The following TMEM248 variants were observed in gnomAD, a reference collection of about 807,000 sequenced individuals.
The protein encoded by TMEM248 is UPF0458 protein C7orf42.
Under a neutral mutation model 30.3 loss-of-function variants are expected in TMEM248, and 9 were observed. That is an observed-to-expected ratio of 0.30 (90% CI 0.18 to 0.52). The LOEUF (loss-of-function observed/expected upper bound fraction) is 0.52. Among genes scored for constraint, TMEM248 ranks in the 20% least tolerant of loss-of-function variants. The pLI is 0.97. For synonymous variants in TMEM248, 184 were observed against 154.4 expected (o/e 1.19, Z -1.42); for missense variants, 338 against 403.3 (o/e 0.84, Z 1.39).
chr7:66,930,581 C>G (rs1164377335), intron 1 of TMEM248: 1 of 152,278 alleles, frequency 6.6e-6, no homozygotes, highest in East Asian at 1.9e-4. Context: ...TCTCCTGTGT[C>G]TTCGTTGCTT....
intron 1 of TMEM248, among the ~76,000 whole-genome samples, chr7:66,927,535 G>T (rs1363470766): frequency 8.6e-5 from 13 of 151,456 alleles, no homozygotes; most frequent in Non-Finnish European, 2.9e-5. Context: ...TGAACTCTTG[G>T]ACTCAACTGA....
chr7:66,927,751 C>T (rs183601495), intron 1 of TMEM248, among the ~76,000 whole-genome samples: 47 of 152,006 alleles, frequency 3.1e-4, no homozygotes, highest in African/African-American at 1.0e-3. Flanking sequence ...AACACCATGC[C>T]CAGTCTCTCT....
intron 1 of TMEM248, among the ~76,000 whole-genome samples, chr7:66,926,616 A>G (rs1584394746): frequency 6.6e-6 from 1 of 151,420 alleles, no homozygotes; most frequent in Non-Finnish European, 1.5e-5. Flanking sequence ...AGCCTGGGTG[A>G]CAGAGCAAGA....
intron 1 of TMEM248, among the ~76,000 whole-genome samples, chr7:66,937,811 AG>A (rs1271294654): frequency 6.6e-6 from 1 of 152,102 alleles, no homozygotes. Flanking sequence ...CCCAGGTTCA[AG>A]TGATCCTCCT....
rs1186461412 is a variant in TMEM248, at chr7:66,942,038, T to A, written c.159+14T>A. 1.9e-6 allele frequency: 3 copies of A among 1,610,104 alleles called. No individual in the cohort carries two copies. Among genetic ancestry groups the A allele is most frequent in the Non-Finnish European group, 2.5e-6 (3 of 1,177,074 alleles). ...GAAATGGCAGAGGTATAGTATGCTC[T>A]GACTTCTCCCGGGCTGGCTGGTCCT... On this transcript the variant is annotated intron_variant, in intron 2 of 6. Coordinates refer to ENST00000341567, the MANE Select transcript of TMEM248 (RefSeq NM_017994.5).
intron 3 of TMEM248, among the ~76,000 whole-genome samples, chr7:66,946,085 CAAAA>C (rs34151581): frequency 9.6e-6 from 1 of 104,154 alleles, no homozygotes. Context: ...ACTCTCTCTC[CAAAA>C]AAAAAAAAAA....
chr7:66,930,570 T>A (rs1791637850), intron 1 of TMEM248: 1 of 152,244 alleles, frequency 6.6e-6, no homozygotes, highest in African/African-American at 2.4e-5. Flanking sequence ...GACCTTGAAG[T>A]TCTCCTGTGT....
chr7:66,929,065 G>A lies in TMEM248; in HGVS notation c.-19+7604G>A, dbSNP rs549238272. Among the ~76,000 whole-genome samples the A allele has an allele frequency of 1.4e-4, 21 of 152,242 alleles. 1 individual carries two copies. The highest frequency in any genetic ancestry group is 5.1e-4 in the African/African-American group (21 of 41,540). On this transcript the variant is annotated intron_variant, in intron 1 of 6. Coordinates refer to ENST00000341567, the MANE Select transcript of TMEM248 (RefSeq NM_017994.5). Reference sequence around the variant, plus strand: ...AGCCTCCCAGAGTGCTAGAATTATGGGCAGGAGCCATTGTGCCCTGCCAGA... The same window carrying A: ...AGCCTCCCAGAGTGCTAGAATTATGAGCAGGAGCCATTGTGCCCTGCCAGA...
At position 66,947,727 on chromosome 7, in the gene TMEM248, ATATTTTAATTTTT is replaced by A. The variant is rs1306853146; in HGVS notation, c.446-805_446-793del. Reference sequence around the variant, plus strand: ...ATTTTTTAATTTTAATTTTATTTTAATATTTTAATTTTTTATTTTAATTTAATTTTTATTTAAA... The same window carrying A: ...ATTTTTTAATTTTAATTTTATTTTAATATTTTAATTTAATTTTTATTTAAA... On this transcript the variant is annotated intron_variant, in intron 3 of 6. Transcript: ENST00000341567. 7.9e-5 allele frequency among the ~76,000 whole-genome samples: 12 copies of A among 151,570 alleles called. No homozygotes were observed. The East Asian group carries it at 1.9e-3, about 24-fold the overall frequency.
At chr7:66,943,259 C>A (rs545831881) in intron 2 of TMEM248, among the ~76,000 whole-genome samples, 1 of 152,196 alleles carries the variant, frequency 6.6e-6, no homozygotes, top group Non-Finnish European at 1.5e-5. Flanking sequence ...CCTGCCATTT[C>A]TTTCCCGCAG....
At chr7:66,931,015 A>G (rs1791649662) in intron 1 of TMEM248, 1 of 152,546 alleles carries the variant, frequency 6.6e-6, no homozygotes, top group Non-Finnish European at 1.5e-5. Context: ...TTTAAGATGA[A>G]TGGTGGGCCT....
At chr7:66,942,335 T>G (rs1324530901) in intron 2 of TMEM248, among the ~76,000 whole-genome samples, 1 of 152,226 alleles carries the variant, frequency 6.6e-6, no homozygotes, top group Non-Finnish European at 1.5e-5. Context: ...CTCTGTAATA[T>G]TCCATCTCAA....
intron 1 of TMEM248, among the ~76,000 whole-genome samples, chr7:66,927,312 G>A (rs141546066): frequency 3.5e-4 from 53 of 152,148 alleles, no homozygotes; most frequent in Non-Finnish European, 6.5e-4. Context: ...AAGTAAGTCT[G>A]GTTCCAGACA....
At chr7:66,926,125 G>A (rs1467463905) in intron 1 of TMEM248, among the ~76,000 whole-genome samples, 1 of 152,168 alleles carries the variant, frequency 6.6e-6, no homozygotes, top group Non-Finnish European at 1.5e-5. Flanking sequence ...CACTTCTCTA[G>A]TGATTGTGAT....
chr7:66,945,400 A>T, intron 3 of TMEM248, 139 bp downstream of exon 3: 1 of 907,056 alleles, frequency 1.1e-6, no homozygotes. Context: ...AGTTTGAACT[A>T]CATGAACCAT....
At chr7:66,925,990 A>G (rs1351295219) in intron 1 of TMEM248, among the ~76,000 whole-genome samples, 1 of 152,038 alleles carries the variant, frequency 6.6e-6, no homozygotes, top group African/African-American at 2.4e-5. Context: ...TCTTGGCTGT[A>G]CTAATTTACA....
chr7:66,938,074 C>T (rs1791851656), intron 1 of TMEM248, among the ~76,000 whole-genome samples: 1 of 152,102 alleles, frequency 6.6e-6, no homozygotes. Context: ...GGGTGTGTTT[C>T]TTGTAGGCAA....
At chr7:66,927,624 G>GTTT (rs369608291) in intron 1 of TMEM248, among the ~76,000 whole-genome samples, 4 of 126,318 alleles carry the variant, frequency 3.2e-5, no homozygotes, top group Admixed American at 7.8e-5. Context: ...TTTGGGTTTT[G>GTTT]TTTTTTTTTT....
chr7:66,945,370 C>A (rs1013872566), intron 3 of TMEM248, 109 bp downstream of exon 3: 3 of 1,244,946 alleles, frequency 2.4e-6, no homozygotes, highest in African/African-American at 1.5e-5. Flanking sequence ...TGTAGTCTTG[C>A]GCGTGTCTTT....
Sources: allele counts gnomAD v4.1 joint callset (sites outside exome capture counted in the v4.1 genomes callset), GRCh38; gene constraint gnomAD v4.1.1; transcripts MANE v1.5; gene names NCBI Gene and HGNC (gene_info 2026-07-23, HGNC 2026-07-21).